The following UBR4 variants were observed in gnomAD, a reference collection of about 807,000 sequenced individuals.
The protein encoded by UBR4 is ubiquitin protein ligase E3 component n-recognin 4.
A neutral mutation model predicts 575.6 loss-of-function variants in UBR4; 124 were observed. The ratio of observed to expected loss-of-function variants is 0.22; its 90% CI spans 0.19 to 0.25. UBR4 has a LOEUF of 0.25. Ranked by LOEUF, UBR4 falls within the 10% of genes least tolerant of loss-of-function variation. UBR4 has a pLI of 1.00. For missense variants in UBR4, 4,818 were observed against 6,478.8 expected (o/e 0.74, Z 8.80); for synonymous variants, 2,455 against 2,473.7 (o/e 0.99, Z 0.22).
rs753996159 is a variant in UBR4 at position 19,121,367 on chromosome 1, T to C, written c.9963A>G (p.Gln3321=). The C allele has an allele frequency of 2.5e-6, 4 of 1,614,052 alleles. No homozygotes were observed. Among genetic ancestry groups the C allele is most frequent in the Non-Finnish European group, 3.4e-6 (4 of 1,179,960 alleles). The change falls in exon 68 of 106, where the codon CAA becomes CAG. Residue 3321 remains glutamine, a synonymous_variant. Coordinates refer to ENST00000375254, the MANE Select transcript of UBR4 (RefSeq NM_020765.3). The part of the protein sequence containing the change: ...VDEGVSPVLL[Q]LLSCALCGSK... Reference sequence around the variant, plus strand: ...TGCCGCACAGAGCACAGGAGAGCAGTTGCAGCAGCACTGGGGACACGCCCT... The same window carrying C: ...TGCCGCACAGAGCACAGGAGAGCAGCTGCAGCAGCACTGGGGACACGCCCT...
chr1:19,114,147 A>G, intron 75 of UBR4, 77 bp from the exon 76 acceptor site: 2 of 1,546,910 alleles, frequency 1.3e-6, no homozygotes, highest in African/African-American at 2.7e-5. Context: ...ACTGCTAACC[A>G]TTTACCAGAA....
chr1:19,167,145 A>T lies in UBR4; in HGVS notation c.3986T>A (p.Ile1329Asn), dbSNP rs1305367780. ...GATGCGTTCCAGGGAGTTGCTACTG[A>T]TCTCGGCAACACTCTCAGTGCTTGA... The part of the protein sequence containing the change: ...LESSTESVAE[I>N]SSNSLERILG... Residue 1329 changes from isoleucine (I) to asparagine (N), a missense_variant, in exon 29 of 106, where the codon ATC becomes AAC. Transcript: ENST00000375254. 1 of 1,614,074 alleles carries T rather than the reference A, an allele frequency of 6.2e-7. No homozygotes were observed.
intron 26 of UBR4, among the ~76,000 whole-genome samples, chr1:19,169,941 CAT>C (rs2089235725): frequency 6.6e-6 from 1 of 152,194 alleles, no homozygotes; most frequent in Non-Finnish European, 1.5e-5. Flanking sequence ...TCATAACACA[CAT>C]TAAGAACAGC....
rs138640412 is a variant in UBR4, at chr1:19,183,814, C to A, written c.2181G>T (p.Leu727=). ...GATGGTCACAGCACACACAAACCTG[C>A]AGGTTAGGTGACTGAAGGTCAGAGG... ...LVTSDLQSPN[L]QNTLLQQLGV... The change falls in exon 17 of 106, where the codon CTG becomes CTT. Residue 727 remains leucine, a synonymous_variant. Coordinates refer to ENST00000375254, the MANE Select transcript of UBR4 (RefSeq NM_020765.3). 6 of 1,613,960 alleles carry A rather than the reference C, an allele frequency of 3.7e-6. No homozygotes were observed. The African/African-American group carries it at 8.0e-5, about 22-fold the overall frequency.
chr1:19,195,994 A>ACG (rs1389900127), intron 8 of UBR4, among the ~76,000 whole-genome samples: 1 of 151,060 alleles, frequency 6.6e-6, no homozygotes, highest in Non-Finnish European at 1.5e-5. Flanking sequence ...ACACACACAC[A>ACG]CACACACACA....
At position 19,138,159 on chromosome 1, in the gene UBR4, A is replaced by G. The variant is rs1189358415; in HGVS notation, c.8754T>C (p.Tyr2918=). ...GATGCCCCTCAGCTGTAGCATCGCC[A>G]TAAGCACTGCTCCGGCCAGATACTA... ...EHSVSGRSSA[Y]GDATAEGHPA... Residue 2918 remains tyrosine (Y), a synonymous_variant, in exon 60 of 106, where the codon TAT becomes TAC. Transcript: ENST00000375254. 6.4e-6 allele frequency: 10 copies of G among 1,567,178 alleles called. No homozygotes were observed. Among genetic ancestry groups the G allele is most frequent in the Admixed American group, 5.4e-5 (3 of 55,900 alleles).
At chr1:19,148,702 T>A in intron 49 of UBR4, 76 bp from the exon 50 acceptor site, 7 of 1,525,254 alleles carry the variant, frequency 4.6e-6, no homozygotes, top group Non-Finnish European at 6.3e-6. Context: ...CAAACTATAG[T>A]CATGAGGACC....
At chr1:19,190,312 A>AAAAAAAAAAAAAAAT in intron 11 of UBR4, among the ~76,000 whole-genome samples, 1 of 79,922 alleles carries the variant, frequency 1.3e-5, no homozygotes, top group Non-Finnish European at 2.3e-5. Flanking sequence ...AAAAAAAAAA[A>AAAAAAAAAAAAAAAT]ATATATATAT....
In UBR4 at chr1:19,151,821, G is replaced by A; in HGVS notation, c.7035C>T (p.Ser2345=). 6.2e-7 allele frequency: 1 copy of A among 1,612,146 alleles called. No homozygotes were observed. Among genetic ancestry groups the A allele is most frequent in the Non-Finnish European group, 8.5e-7 (1 of 1,178,814 alleles). The part of the protein sequence containing the change: ...GFTIEISNNN[S]TMVMTGMRIQ... Reference sequence around the variant, plus strand: ...TCCGCATGCCTGTCATCACCATAGTGCTATTGTTGTTACTAATCTCAATGG... The same window carrying A: ...TCCGCATGCCTGTCATCACCATAGTACTATTGTTGTTACTAATCTCAATGG... The change falls in exon 48 of 106, where the codon AGC becomes AGT. Residue 2345 remains serine, a synonymous_variant. Coordinates refer to ENST00000375254, the MANE Select transcript of UBR4 (RefSeq NM_020765.3).
At chr1:19,203,926 T>C (rs926024014) in intron 1 of UBR4, among the ~76,000 whole-genome samples, 9 of 152,178 alleles carry the variant, frequency 5.9e-5, no homozygotes, top group African/African-American at 2.2e-4. Context: ...AAGGCTCACA[T>C]GTACAGCAGA....
intron 17 of UBR4, among the ~76,000 whole-genome samples, chr1:19,179,651 T>G (rs927003229): frequency 1.7e-4 from 26 of 152,322 alleles, no homozygotes; most frequent in Admixed American, 8.5e-4. Flanking sequence ...ATCCAACAAT[T>G]TAGAGATCCG....
chr1:19,155,391 G>T, intron 43 of UBR4, 50 bp downstream of exon 43: 1 of 1,530,576 alleles, frequency 6.5e-7, no homozygotes, highest in Non-Finnish European at 8.9e-7. Flanking sequence ...TAGAGGAGTT[G>T]CTAAATAATT....
intron 94 of UBR4, among the ~76,000 whole-genome samples, 156 bp from the exon 95 acceptor site, chr1:19,094,295 C>T (rs907857559): frequency 2.0e-5 from 3 of 152,160 alleles, no homozygotes; most frequent in Non-Finnish European, 4.4e-5. Context: ...AACAAACAGT[C>T]GGAGTTTCAC....
At chr1:19,076,625 G>T in intron 105 of UBR4, 115 bp downstream of exon 105, 1 of 1,395,954 alleles carries the variant, frequency 7.2e-7, no homozygotes, top group Non-Finnish European at 1.0e-6. Flanking sequence ...CAGCTGACAG[G>T]CTGGTTCATA....
intron 48 of UBR4, 122 bp from the exon 49 acceptor site, chr1:19,150,915 CT>C: frequency 1.1e-6 from 1 of 946,534 alleles, no homozygotes; most frequent in Non-Finnish European, 1.6e-6. Flanking sequence ...CATAGAGAAA[CT>C]TTATCTTCTG....
At position 19,199,740 on chromosome 1, in the gene UBR4, G is replaced by A. The variant is rs760628506; in HGVS notation, c.289C>T (p.Leu97Phe). ...TTACAGGCTGCTGCCACTGACTGAA[G>A]TTGGTTCCGGGGAACTGAGAAAGTA... ...TVCSLIPRNQ[L>F]QSVAAACKVL... The change falls in exon 3 of 106, where the codon CTT becomes TTT. Residue 97 changes from leucine to phenylalanine, a missense_variant. Leu to Phe is a conservative substitution (Grantham distance 22, BLOSUM62 0). This residue lies in a region of UBR4 where 85 missense variants were observed against 134.2 expected (regional missense o/e 0.63). Transcript: ENST00000375254. 1 of 1,614,134 alleles carries A rather than the reference G, an allele frequency of 6.2e-7. No homozygotes were observed.
chr1:19,081,645 T>C (rs2076518726), intron 102 of UBR4, 72 bp from the exon 103 acceptor site: 3 of 1,530,624 alleles, frequency 2.0e-6, no homozygotes, highest in Admixed American at 3.3e-5. Context: ...CAGGAAGAAT[T>C]TGCTCAATTT....
chr1:19,124,238 A>G (rs952810367), intron 65 of UBR4, among the ~76,000 whole-genome samples: 1 of 152,182 alleles, frequency 6.6e-6, no homozygotes, highest in East Asian at 1.9e-4. Flanking sequence ...AAATCTCTCT[A>G]TTAAGATAAC....
chr1:19,098,723 G>A (rs949083559), intron 90 of UBR4, among the ~76,000 whole-genome samples: 3 of 152,006 alleles, frequency 2.0e-5, no homozygotes, highest in South Asian at 2.1e-4. Flanking sequence ...GGAGAGAGGC[G>A]GAAATATGTA....
Sources: allele counts gnomAD v4.1 joint callset (sites outside exome capture counted in the v4.1 genomes callset), GRCh38; gene constraint gnomAD v4.1.1; regional missense constraint gnomAD v4.1.1; transcripts MANE v1.5; gene names NCBI Gene and HGNC (gene_info 2026-07-23, HGNC 2026-07-21).